STK3: variants seen among roughly 807,000 people sequenced by gnomAD.
STK3 encodes the protein serine/threonine-protein kinase 3.
A neutral mutation model predicts 58.0 loss-of-function variants in STK3; 41 were observed. That is an observed-to-expected ratio of 0.71 (90% CI 0.55 to 0.92). The LOEUF (loss-of-function observed/expected upper bound fraction) is 0.92, where lower values mean the gene tolerates loss of function less well. STK3 is among the 40% of genes least tolerant of loss of function. STK3 has a pLI of 0.00. For synonymous variants in STK3, 170 were observed against 191.0 expected, an observed-to-expected ratio of 0.89 and a Z score of 0.91; for missense variants, 479 against 602.7, an observed-to-expected ratio of 0.79 and a Z score of 2.15.
At chr8:98,390,610 T>A (rs1204160496), upstream of STK3, among the ~76,000 whole-genome samples, 1 of 152,144 alleles carries the variant, frequency 6.6e-6, no homozygotes, top group Admixed American at 6.5e-5. Context: ...CTTCAAGTTT[T>A]TTTTTGTTTT....
intron 6 of STK3, among the ~76,000 whole-genome samples, chr8:98,621,175 C>T (rs201307586): frequency 5.9e-5 from 9 of 152,252 alleles, no homozygotes; most frequent in East Asian, 1.9e-4. Context: ...CTCCTGACCT[C>T]GTGATCCGCC....
chr8:98,429,135 G>T, intron 3 of STK3: 1 of 1,613,246 alleles, frequency 6.2e-7, no homozygotes, highest in Non-Finnish European at 8.5e-7. Flanking sequence ...AGGGACCACG[G>T]CAGGAAAGCT....
chr8:98,547,923 C>T (rs369956070), intron 9 of STK3, 46 bp downstream of exon 9: 395 of 1,453,956 alleles, frequency 2.7e-4, no homozygotes, highest in Middle Eastern at 1.1e-3. Flanking sequence ...ATAAAAGTAT[C>T]CTTTCGAATT....
At chr8:98,917,315 G>T (rs1420318606) in intron 1 of STK3, among the ~76,000 whole-genome samples, 1 of 152,216 alleles carries the variant, frequency 6.6e-6, no homozygotes, top group African/African-American at 2.4e-5. Context: ...AGGGCTCTGA[G>T]CAAATGGCAG....
chr8:98,872,503 G>T (rs1381408766), intron 3 of STK3, among the ~76,000 whole-genome samples: 3 of 152,170 alleles, frequency 2.0e-5, no homozygotes, highest in Non-Finnish European at 2.9e-5. Flanking sequence ...ATTAATTATT[G>T]CCTCAATTTC....
chr8:98,431,538 A>C (rs1353794656), intron 3 of STK3: 2 of 167,110 alleles, frequency 1.2e-5, no homozygotes, highest in Non-Finnish European at 2.9e-5. Context: ...GTACAGACTT[A>C]TGAGGACGGA....
chr8:98,878,550 C>G (rs993027663), intron 3 of STK3, among the ~76,000 whole-genome samples: 1 of 152,042 alleles, frequency 6.6e-6, no homozygotes, highest in Non-Finnish European at 1.5e-5. Context: ...CCACTCACCC[C>G]GTCACTCTCT....
At chr8:98,634,476 G>C (rs919174189) in intron 6 of STK3, among the ~76,000 whole-genome samples, 2 of 151,948 alleles carry the variant, frequency 1.3e-5, no homozygotes, top group Non-Finnish European at 2.9e-5. Flanking sequence ...CTCTAGTCTG[G>C]GTGACAGAGT....
At chr8:98,614,589 C>T (rs1019117306) in intron 6 of STK3, among the ~76,000 whole-genome samples, 2 of 149,580 alleles carry the variant, frequency 1.3e-5, no homozygotes, top group East Asian at 3.9e-4. Flanking sequence ...TGGGCGCAGG[C>T]CAGTGGGTGT....
intron 1 of STK3, among the ~76,000 whole-genome samples, chr8:98,893,486 G>GAAAGAGAGAA (rs776247646): frequency 8.1e-4 from 35 of 43,036 alleles, no homozygotes; most frequent in African/African-American, 3.7e-3. Flanking sequence ...AAGAAAGAAA[G>GAAAGAGAGAA]AGAAAGAAAG....
At chr8:98,491,066 G>A (rs372969772) in intron 10 of STK3, among the ~76,000 whole-genome samples, 4 of 152,046 alleles carry the variant, frequency 2.6e-5, no homozygotes, top group African/African-American at 7.2e-5. Context: ...TAAAGAAAAG[G>A]CCAATCTCTC....
At chr8:98,639,608 C>T (rs746006104) in intron 6 of STK3, among the ~76,000 whole-genome samples, 3 of 152,118 alleles carry the variant, frequency 2.0e-5, no homozygotes, top group Non-Finnish European at 4.4e-5. Flanking sequence ...ACTATTAATG[C>T]TTTGGGGAAA....
intron 9 of STK3, among the ~76,000 whole-genome samples, chr8:98,540,445 G>A (rs991651498): frequency 3.3e-5 from 5 of 152,126 alleles, no homozygotes; most frequent in Middle Eastern, 3.2e-3. Flanking sequence ...CACTGCTCCA[G>A]CCTGTGGTGA....
intron 6 of STK3, among the ~76,000 whole-genome samples, chr8:98,602,707 C>T (rs565623696): frequency 6.6e-6 from 1 of 152,100 alleles, no homozygotes; most frequent in Admixed American, 6.5e-5. Context: ...CAAAATCCTG[C>T]TAAAGTACAG....
At chr8:98,598,941 T>G in intron 6 of STK3, 1 of 977,156 alleles carries the variant, frequency 1.0e-6, no homozygotes, top group Non-Finnish European at 1.2e-6. Context: ...ATGCCTGAAA[T>G]GTCATGCCTT....
chr8:98,475,270 C>T (rs1164861062), intron 10 of STK3, among the ~76,000 whole-genome samples: 1 of 152,094 alleles, frequency 6.6e-6, no homozygotes, highest in Non-Finnish European at 1.5e-5. Flanking sequence ...GGTTCATGCA[C>T]CTGAAAGTCC....
intron 3 of STK3, among the ~76,000 whole-genome samples, chr8:98,424,937 G>A (rs1818211494): frequency 6.6e-6 from 1 of 152,176 alleles, no homozygotes; most frequent in Non-Finnish European, 1.5e-5. Flanking sequence ...AGGGGTGAGA[G>A]CTAGGGAGAG....
At chr8:98,466,135 AGCC>A (rs1820446478) in intron 10 of STK3, among the ~76,000 whole-genome samples, 2 of 152,226 alleles carry the variant, frequency 1.3e-5, no homozygotes, top group African/African-American at 2.4e-5. Context: ...ACACCAATGA[AGCC>A]GTAAATAAGA....
At chr8:98,554,278 T>A (rs181159115) in intron 8 of STK3, among the ~76,000 whole-genome samples, 340 of 152,294 alleles carry the variant, frequency 2.2e-3, no homozygotes, top group African/African-American at 7.8e-3. Context: ...GTTGAATATC[T>A]TATTTTGTCA....
Sources: allele counts gnomAD v4.1 joint callset (sites outside exome capture counted in the v4.1 genomes callset), GRCh38; gene constraint gnomAD v4.1.1; transcripts MANE v1.5; gene names NCBI Gene and HGNC (gene_info 2026-07-23, HGNC 2026-07-21).